Variants in FAM118A observed in about 807,000 individuals in gnomAD.
The protein encoded by FAM118A is SIR2 antiphage like 2, also known as protein FAM118A.
A neutral mutation model predicts 38.2 loss-of-function variants in FAM118A; 25 were observed. The observed-to-expected ratio is 0.65, with a 90% CI of 0.48 to 0.91. FAM118A has a LOEUF of 0.91. FAM118A is among the 40% of genes least tolerant of loss of function. The pLI, the probability that FAM118A is intolerant of heterozygous loss-of-function variation, is 0.00. For synonymous variants in FAM118A, 178 were observed against 184.1 expected (o/e 0.97, Z 0.27); for missense variants, 425 against 463.3 (o/e 0.92, Z 0.76).
intron 1 of FAM118A, among the ~76,000 whole-genome samples, chr22:45,317,340 T>C (rs1045110542): frequency 2.0e-5 from 3 of 152,100 alleles, no homozygotes; most frequent in African/African-American, 7.2e-5. Flanking sequence ...GATTGCGCCA[T>C]TGCACTCTAG....
At position 45,315,450 on chromosome 22, in the gene FAM118A, T is replaced by C. The variant is rs985537967; in HGVS notation, c.-10+5267T>C. 2.0e-5 allele frequency among the ~76,000 whole-genome samples: 3 copies of C among 152,344 alleles called. No individual in the cohort carries two copies. The East Asian group carries it at 5.8e-4, about 29-fold the overall frequency. On this transcript the variant is annotated intron_variant, in intron 1 of 8. Transcript: ENST00000441876. ...CCATGATTACACTGAAATGTAGTTG[T>C]GGTGACTGCCTTGGAAGAGTGGTGC...
chr22:45,321,726 A>C (rs2084890974), intron 1 of FAM118A: 1 of 154,896 alleles, frequency 6.5e-6, no homozygotes, highest in African/African-American at 2.4e-5. Context: ...TTTTGGAAAA[A>C]TTAAAGAATA....
chr22:45,332,056 G>A (rs948767203), intron 5 of FAM118A, among the ~76,000 whole-genome samples: 2 of 152,160 alleles, frequency 1.3e-5, no homozygotes, highest in African/African-American at 4.8e-5. Context: ...ATTTAAAATC[G>A]TACCCAATTT....
chr22:45,313,386 G>A (rs1057009747), intron 1 of FAM118A, among the ~76,000 whole-genome samples: 8 of 148,690 alleles, frequency 5.4e-5, no homozygotes, highest in African/African-American at 1.7e-4. Context: ...GCAATGGTGC[G>A]ATCTCGGCTC....
chr22:45,320,201 A>G lies in FAM118A; in HGVS notation c.-9-2170A>G, dbSNP rs185017017. ...ATTTTTCAGCCAGTTGCTGTGGCTC[A>G]TGCCTGTAATCCCAGCACTTTGGGA... On this transcript the variant is annotated intron_variant, in intron 1 of 8. Transcript: ENST00000441876. Among the ~76,000 whole-genome samples, 113 of 152,278 alleles carry G rather than the reference A, an allele frequency of 7.4e-4. 1 individual carries two copies. Among genetic ancestry groups the G allele is most frequent in the Non-Finnish European group, 1.1e-3 (73 of 68,018 alleles).
chr22:45,319,371 C>T (rs2084750688), intron 1 of FAM118A, among the ~76,000 whole-genome samples: 1 of 152,154 alleles, frequency 6.6e-6, no homozygotes, highest in South Asian at 2.1e-4. Context: ...GTAGGGGGCA[C>T]TTGAATTAGC....
At chr22:45,309,360 G>T (rs226503), upstream of FAM118A, 133,060 of 152,044 alleles carry the variant, frequency 0.88, 58,312 homozygotes, top group African/African-American at 0.91. Flanking sequence ...CCGGCTCTCA[G>T]GGGAAGTGGG....
At chr22:45,324,970 C>G (rs2085156417) in intron 3 of FAM118A, among the ~76,000 whole-genome samples, 1 of 152,204 alleles carries the variant, frequency 6.6e-6, no homozygotes, top group South Asian at 2.1e-4. Flanking sequence ...TCGCTTGAAC[C>G]TGGGAGGCAG....
chr22:45,335,751 G>A (rs895372716), intron 7 of FAM118A, among the ~76,000 whole-genome samples: 1 of 152,224 alleles, frequency 6.6e-6, no homozygotes, highest in Non-Finnish European at 1.5e-5. Flanking sequence ...TTCGTTGCAC[G>A]GGTCTGAGCT....
At chr22:45,323,638 T>C (rs2085045611) in intron 3 of FAM118A, among the ~76,000 whole-genome samples, 1 of 152,206 alleles carries the variant, frequency 6.6e-6, no homozygotes, top group Non-Finnish European at 1.5e-5. Context: ...GCTCCTAAAG[T>C]AGCTCCTATT....
Position 45,332,616 on chromosome 22 carries a change from C to T in FAM118A, c.843C>T (p.His281=), listed in dbSNP as rs745610671. Residue 281 remains histidine (H), a synonymous_variant, in exon 6 of 9, where the codon CAC becomes CAT. Transcript: ENST00000441876. ...AGCATCAGGCAGATATGCTTCTGCACGGAATCAAAGTTGTATCCTACGGGG... is the reference window on the plus strand; with the variant it reads ...AGCATCAGGCAGATATGCTTCTGCATGGAATCAAAGTTGTATCCTACGGGG... ...FFKHQADMLL[H]GIKVVSYGDC... 18 of 1,614,050 alleles carry T rather than the reference C, an allele frequency of 1.1e-5. No individual in the cohort carries two copies. Among genetic ancestry groups the T allele is most frequent in the Admixed American group, 1.7e-5 (1 of 60,000 alleles).
chr22:45,318,920 G>C (rs760342185), intron 1 of FAM118A: 1 of 152,160 alleles, frequency 6.6e-6, no homozygotes, highest in African/African-American at 2.4e-5. Flanking sequence ...GCACTTAAGC[G>C]AGCCACAGAC....
Position 45,341,408 on chromosome 22 carries a change from A to G in FAM118A, c.*1003A>G, listed in dbSNP as rs2086446220. On this transcript the variant is annotated 3_prime_UTR_variant, in exon 9 of 9. Coordinates refer to ENST00000441876, the MANE Select transcript of FAM118A (RefSeq NM_017911.4). ...TGACAACCGGGATAGCTCAAGTTCG[A>G]GAGACCAGGTTTCAAACATTATAAG... 1 of 152,210 alleles carries G rather than the reference A, an allele frequency of 6.6e-6. No individual in the cohort carries two copies. The highest frequency in any genetic ancestry group is 6.5e-5 in the Admixed American group (1 of 15,284). The allele number at this position is 152,210 out of a possible 1,614,324, so 9.4% of individuals were successfully genotyped here. A position where few individuals can be genotyped will look rare whatever the true frequency, so the allele number is the denominator to read the frequency against.
At chr22:45,329,000 A>G (rs1297290786) in intron 4 of FAM118A, 1 of 153,788 alleles carries the variant, frequency 6.5e-6, no homozygotes, top group Non-Finnish European at 1.4e-5. Flanking sequence ...ATGCTTTTAA[A>G]TGACCAGATT....
At chr22:45,333,328 C>A (rs2085854316) in intron 6 of FAM118A, among the ~76,000 whole-genome samples, 1 of 151,910 alleles carries the variant, frequency 6.6e-6, no homozygotes, top group Non-Finnish European at 1.5e-5. Flanking sequence ...GAGTTTAAGA[C>A]CAACCTGGGC....
chr22:45,328,421 G>C (rs1379346699), intron 4 of FAM118A: 1 of 1,065,024 alleles, frequency 9.4e-7, no homozygotes, highest in African/African-American at 1.4e-5. Context: ...GCAGCCTGCA[G>C]GTGTGGGGAG....
chr22:45,324,370 T>C (rs184117961), intron 3 of FAM118A, among the ~76,000 whole-genome samples: 1 of 152,044 alleles, frequency 6.6e-6, no homozygotes, highest in Admixed American at 6.5e-5. Context: ...CTGTAAATGA[T>C]GTGCGTGCGC....
chr22:45,311,543 G>C (rs944351506), intron 1 of FAM118A, among the ~76,000 whole-genome samples: 1 of 152,166 alleles, frequency 6.6e-6, no homozygotes, highest in African/African-American at 2.4e-5. Flanking sequence ...TTTGAGGTGG[G>C]AGTGACAAGA....
chr22:45,309,047 C>T (rs1168448780), upstream of FAM118A: 1 of 152,238 alleles, frequency 6.6e-6, no homozygotes, highest in Non-Finnish European at 1.5e-5. Context: ...CCCAGCCCAC[C>T]CACGCACAAT....
Sources: allele counts gnomAD v4.1 joint callset (sites outside exome capture counted in the v4.1 genomes callset), GRCh38; gene constraint gnomAD v4.1.1; transcripts MANE v1.5; gene names NCBI Gene and HGNC (gene_info 2026-07-23, HGNC 2026-07-21).